Variants in SHROOM4 observed in about 807,000 individuals in gnomAD.
The protein encoded by SHROOM4 is shroom family member 4, also known as protein Shroom4.
A neutral mutation model predicts 80.3 loss-of-function variants in SHROOM4; 17 were observed. The ratio of observed to expected loss-of-function variants is 0.21; its 90% CI spans 0.14 to 0.32. The LOEUF is 0.32. Ranked by LOEUF, SHROOM4 falls within the 10% of genes least tolerant of loss-of-function variation. SHROOM4 has a pLI of 1.00. For synonymous variants in SHROOM4, 400 were observed against 437.5 expected, an observed-to-expected ratio of 0.91 and a Z score of 1.07; for missense variants, 993 against 1,140.3, an observed-to-expected ratio of 0.87 and a Z score of 1.86.
At chrX:50,647,547 C>G (rs782273818) in intron 2 of SHROOM4, among the ~76,000 whole-genome samples, 1 of 111,865 alleles carries the variant, frequency 8.9e-6, no homozygotes, top group East Asian at 2.8e-4. Flanking sequence ...TGTCCTCCAG[C>G]TCTGGTTTCT....
At chrX:50,799,342 G>A (rs1936073980) in intron 1 of SHROOM4, among the ~76,000 whole-genome samples, 1 of 111,984 alleles carries the variant, frequency 8.9e-6, no homozygotes, top group African/African-American at 3.2e-5. Flanking sequence ...ACAGTATCCT[G>A]GACAGGAACA....
intron 1 of SHROOM4, among the ~76,000 whole-genome samples, chrX:50,753,297 G>A (rs181884503): frequency 2.3e-3 from 253 of 112,166 alleles, no homozygotes; most frequent in Non-Finnish European, 4.2e-3. Flanking sequence ...AAATCCAGTG[G>A]AGGAGACTCT....
Position 50,595,629 on chromosome X carries a change from A to G in SHROOM4, c.*1066T>C, listed in dbSNP as rs1557246344. On this transcript the variant is annotated 3_prime_UTR_variant, in exon 9 of 9. Coordinates refer to ENST00000376020, the MANE Select transcript of SHROOM4 (RefSeq NM_020717.5). ...CCACAGTAGGGAGGCTCTGAGTTCA[A>G]GGGGAAAACTCCTTCCTAGACATCG... is the stretch of plus-strand genomic sequence containing the variant. 7 of 249,191 alleles carry G rather than the reference A, an allele frequency of 2.8e-5. No homozygotes were observed. In the East Asian group the frequency reaches 7.4e-4, roughly 26 times the overall value. 20.5% of individuals were successfully genotyped at this position (249,191 alleles called of 1,213,427 possible).
intron 6 of SHROOM4, among the ~76,000 whole-genome samples, chrX:50,604,528 C>T (rs1929583546): frequency 9.0e-6 from 1 of 111,594 alleles, no homozygotes; most frequent in Admixed American, 9.5e-5. Context: ...TCTATGTTAG[C>T]AGATAATGGA....
intron 1 of SHROOM4, among the ~76,000 whole-genome samples, chrX:50,724,588 C>T (rs1557265749): frequency 8.9e-6 from 1 of 112,719 alleles, no homozygotes; most frequent in African/African-American, 3.2e-5. Flanking sequence ...CTTCAGCCTC[C>T]CGAGTAGCTG....
intron 1 of SHROOM4, among the ~76,000 whole-genome samples, chrX:50,762,356 T>C (rs60474400): frequency 1.8e-4 from 20 of 111,948 alleles, no homozygotes; most frequent in African/African-American, 5.9e-4. Context: ...TCTCTCTATA[T>C]GTTACAGGCC....
At chrX:50,741,475 T>C (rs1557267195) in intron 1 of SHROOM4, among the ~76,000 whole-genome samples, 1 of 111,212 alleles carries the variant, frequency 9.0e-6, no homozygotes. Flanking sequence ...AATGAGGTGA[T>C]ATATATGTTA....
chrX:50,668,717 T>C (rs1305090618), intron 2 of SHROOM4, among the ~76,000 whole-genome samples: 1 of 111,514 alleles, frequency 9.0e-6, no homozygotes, highest in Non-Finnish European at 1.9e-5. Context: ...CAGACATGCA[T>C]GAAACAAATG....
Position 50,637,036 on chromosome X carries a change from T to C in SHROOM4, c.404+1138A>G, listed in dbSNP as rs563176162. Among the ~76,000 whole-genome samples the C allele has an allele frequency of 2.7e-5, 3 of 111,255 alleles. No homozygotes were observed. In the South Asian group the frequency reaches 1.2e-3, roughly 43 times the overall value. On this transcript the variant is annotated intron_variant, in intron 3 of 8. Coordinates refer to ENST00000376020, the MANE Select transcript of SHROOM4 (RefSeq NM_020717.5). Reference sequence around the variant, plus strand: ...TCCTCTCTAATACTAGTATTGATAATATAGGGGCCTCTGCCCACCCACGCC... The same window carrying C: ...TCCTCTCTAATACTAGTATTGATAACATAGGGGCCTCTGCCCACCCACGCC...
intron 2 of SHROOM4, among the ~76,000 whole-genome samples, chrX:50,646,527 AGTGT>A (rs782016561): frequency 0.08 from 6,250 of 78,539 alleles, 182 homozygotes; most frequent in Middle Eastern, 0.089. Context: ...AGGGGGGAAG[AGTGT>A]GTGTGTGTGT....
chrX:50,646,758 T>A (rs956429135), intron 2 of SHROOM4, among the ~76,000 whole-genome samples: 46 of 109,055 alleles, frequency 4.2e-4, no homozygotes, highest in African/African-American at 1.2e-3. Flanking sequence ...TCCATGTAAA[T>A]CTGCTGGGTC....
Position 50,730,161 on chromosome X carries a change from T to A in SHROOM4, c.118-34224A>T, listed in dbSNP as rs1188464746. Among the ~76,000 whole-genome samples the A allele has an allele frequency of 4.5e-5, 5 of 111,851 alleles. No homozygotes were observed. In the Admixed American group the frequency reaches 4.8e-4, roughly 11 times the overall value. On this transcript the variant is annotated intron_variant, in intron 1 of 8. Coordinates refer to ENST00000376020, the MANE Select transcript of SHROOM4 (RefSeq NM_020717.5). The stretch of plus-strand genomic sequence containing the variant: ...AGCAATTGCAGGCTGGGTGCAGTGG[T>A]TCACACCTATAATCTCAGCACTTTG...
intron 5 of SHROOM4, among the ~76,000 whole-genome samples, chrX:50,614,249 AC>A (rs1337044039): frequency 8.9e-6 from 1 of 112,665 alleles, no homozygotes; most frequent in Admixed American, 9.4e-5. Context: ...TTTAAGTAAG[AC>A]ACAAAACATA....
rs1557245661 is a variant in SHROOM4 at position 50,592,043 on chromosome X, G to A, written c.*4652C>T. On this transcript the variant is annotated 3_prime_UTR_variant, in exon 9 of 9. Coordinates refer to ENST00000376020, the MANE Select transcript of SHROOM4 (RefSeq NM_020717.5). ...GAACTGTTTTCTTAATAACATTTTC[G>A]GATTGTTCATTTGATCTTGTGTTTT... 2 of 327,740 alleles carry A rather than the reference G, an allele frequency of 6.1e-6. No individual in the cohort carries two copies. The highest frequency in any genetic ancestry group is 1.2e-5 in the Non-Finnish European group (2 of 169,761). 27.0% of individuals were successfully genotyped at this position (327,740 alleles called of 1,213,427 possible). A position where few individuals can be genotyped will look rare whatever the true frequency, so the allele number is the denominator to read the frequency against.
At chrX:50,603,899 GC>G (rs1929553676) in intron 6 of SHROOM4, among the ~76,000 whole-genome samples, 1 of 111,476 alleles carries the variant, frequency 9.0e-6, no homozygotes, top group South Asian at 3.8e-4. Context: ...CTAGGGGGTG[GC>G]CCGCCCTCAC....
intron 1 of SHROOM4, among the ~76,000 whole-genome samples, chrX:50,701,095 C>T (rs1475662543): frequency 8.9e-6 from 1 of 112,020 alleles, no homozygotes; most frequent in Non-Finnish European, 1.9e-5. Flanking sequence ...ACAGCTTCTT[C>T]CTCCCCAGCT....
chrX:50,771,946 C>T (rs900671833), intron 1 of SHROOM4, among the ~76,000 whole-genome samples: 4 of 110,565 alleles, frequency 3.6e-5, no homozygotes, highest in East Asian at 5.6e-4. Flanking sequence ...ATTTCTGCAA[C>T]GTATTGTTAG....
At chrX:50,616,835 T>G (rs1930260317) in intron 5 of SHROOM4, among the ~76,000 whole-genome samples, 1 of 111,518 alleles carries the variant, frequency 9.0e-6, no homozygotes, top group Non-Finnish European at 1.9e-5. Flanking sequence ...TCCAATTAGG[T>G]TGGTTTCCAA....
chrX:50,668,571 A>C (rs1932756635), intron 2 of SHROOM4, among the ~76,000 whole-genome samples: 1 of 112,121 alleles, frequency 8.9e-6, no homozygotes, highest in African/African-American at 3.2e-5. Flanking sequence ...TCAATGAAAA[A>C]ATCATTCATC....
Sources: allele counts gnomAD v4.1 joint callset (sites outside exome capture counted in the v4.1 genomes callset), GRCh38; gene constraint gnomAD v4.1.1; transcripts MANE v1.5; gene names NCBI Gene and HGNC (gene_info 2026-07-23, HGNC 2026-07-21).